Variants in TYMS observed in about 807,000 individuals in gnomAD.
The protein encoded by TYMS is thymidylate synthetase, also known as thymidylate synthase.
Under a neutral mutation model 39.3 loss-of-function variants are expected in TYMS, and 21 were observed. That is an observed-to-expected ratio of 0.54 (90% CI 0.38 to 0.77). The LOEUF is 0.77. TYMS is among the 30% of genes least tolerant of loss of function. The probability of loss-of-function intolerance (pLI) is 0.00; values close to 1 mark genes in which losing one functional copy is unlikely to be tolerated. For synonymous variants in TYMS, 171 were observed against 162.2 expected (o/e 1.05, Z -0.41); for missense variants, 273 against 406.7 (o/e 0.67, Z 2.83).
chr18:669,930 C>T (rs1420187955), intron 4 of TYMS, among the ~76,000 whole-genome samples: 1 of 151,904 alleles, frequency 6.6e-6, no homozygotes, highest in Non-Finnish European at 1.5e-5. Context: ...CCATTGCACT[C>T]CAGCCTGGGC....
chr18:669,249 A>G (rs1244553877), intron 4 of TYMS, 76 bp downstream of exon 4: 2 of 1,297,608 alleles, frequency 1.5e-6, no homozygotes, highest in African/African-American at 3.0e-5. Context: ...GTGCAGAGGC[A>G]CCTGAGGGAG....
At chr18:672,767 G>C (rs1251583262) in intron 6 of TYMS, 93 bp from the exon 7 acceptor site, 1 of 1,373,918 alleles carries the variant, frequency 7.3e-7, no homozygotes, top group Non-Finnish European at 9.8e-7. Context: ...GAACTTTGTT[G>C]ATCACATCCT....
chr18:662,761 A>G (rs8093444), intron 3 of TYMS, among the ~76,000 whole-genome samples: 80,865 of 148,304 alleles, frequency 0.55, 23,500 homozygotes, highest in African/African-American at 0.77. Flanking sequence ...GAGAATATGC[A>G]GTGTTTGGTT....
intron 3 of TYMS, among the ~76,000 whole-genome samples, chr18:666,521 G>C (rs1598467522): frequency 6.6e-6 from 1 of 152,168 alleles, no homozygotes. Flanking sequence ...AGGAAAAGCA[G>C]ATGCCACCTT....
chr18:658,559 C>G lies in TYMS; in HGVS notation c.205+612C>G, dbSNP rs1223625721. 1 of 278,400 alleles carries G rather than the reference C, an allele frequency of 3.6e-6. No individual in the cohort carries two copies. Among genetic ancestry groups the G allele is most frequent in the African/African-American group, 2.4e-5 (1 of 42,344 alleles). The allele number at this position is 278,400 out of a possible 1,614,324, so 17.2% of individuals were successfully genotyped here. A position where few individuals can be genotyped will look rare whatever the true frequency, so the allele number is the denominator to read the frequency against. On this transcript the variant is annotated intron_variant, in intron 1 of 6. Transcript: ENST00000323274. The surrounding 1 kb of genome is among the most constrained non-coding windows in gnomAD (Gnocchi z 4.5). ...GAGTATAAGTTCTTAGTCGTCCTTT[C>G]CTCTTTCCTTTCCGACAGGAGCACC...
intron 6 of TYMS, 110 bp from the exon 7 acceptor site, chr18:672,750 T>C: frequency 7.8e-7 from 1 of 1,289,194 alleles, no homozygotes; most frequent in Non-Finnish European, 1.1e-6. Flanking sequence ...CATACTCCTG[T>C]AAAATAGAAC....
At chr18:668,926 A>T in intron 3 of TYMS, 146 bp from the exon 4 acceptor site, 1 of 598,176 alleles carries the variant, frequency 1.7e-6, no homozygotes, top group Non-Finnish European at 2.9e-6. Context: ...GAGATCTGCA[A>T]ACTTTGCAGG....
chr18:658,760 AG>A lies in TYMS; in HGVS notation c.205+817del. 4.8e-6 allele frequency: 1 copy of A among 207,724 alleles called. No individual in the cohort carries two copies. The highest frequency in any genetic ancestry group is 9.7e-6 in the Non-Finnish European group (1 of 103,058). 12.9% of individuals were successfully genotyped at this position (207,724 alleles called of 1,614,324 possible). The stretch of plus-strand genomic sequence containing the variant: ...GAGGGGACTCGAAGGTGTGTGAGCC[AG>A]GGGCTGACCTTGACCGCTCAGATAA... On this transcript the variant is annotated intron_variant, in intron 1 of 6. Transcript: ENST00000323274. This position sits in a 1 kb window ranked among gnomAD's most constrained non-coding sequence, Gnocchi z 4.5.
chr18:671,214 C>A, intron 5 of TYMS, 166 bp from the exon 6 acceptor site: 1 of 638,802 alleles, frequency 1.6e-6, no homozygotes, highest in Non-Finnish European at 2.8e-6. Context: ...TCAATACCAG[C>A]CTGGGCAACA....
rs956046989 is a variant in TYMS at position 660,756 on chromosome 18, C to T, written c.279+1042C>T. ...GTTCCGTGTCCTGGTCTAGAACCAG[C>T]GATGTTCTTTCTGACCAGTGCTTTT... On this transcript the variant is annotated intron_variant, in intron 2 of 6. Coordinates refer to ENST00000323274, the MANE Select transcript of TYMS (RefSeq NM_001071.4). The surrounding 1 kb of genome is among the most constrained non-coding windows in gnomAD (Gnocchi z 4.6). 1.3e-5 allele frequency among the ~76,000 whole-genome samples: 2 copies of T among 152,144 alleles called. No individual in the cohort carries two copies. The highest frequency in any genetic ancestry group is 2.9e-5 in the Non-Finnish European group (2 of 68,028).
At chr18:662,389 T>C (rs2074765265) in intron 3 of TYMS, 69 bp downstream of exon 3, 1 of 1,434,432 alleles carries the variant, frequency 7.0e-7, no homozygotes, top group African/African-American at 1.4e-5. Flanking sequence ...TCCGTTGTTT[T>C]AGATAAGGTC....
At chr18:666,799 G>T (rs540739261) in intron 3 of TYMS, among the ~76,000 whole-genome samples, 1 of 152,378 alleles carries the variant, frequency 6.6e-6, no homozygotes, top group South Asian at 2.1e-4. Flanking sequence ...AAAGTGGAAT[G>T]CTAGTTTCCA....
rs767975182 is a variant in TYMS at position 662,223 on chromosome 18, C to T, written c.357C>T (p.Asp119=). Reference sequence around the variant, plus strand: ...CCAATGGATCCCGAGACTTTTTGGACAGCCTGGGATTCTCCACCAGAGAAG... The same window carrying T: ...CCAATGGATCCCGAGACTTTTTGGATAGCCTGGGATTCTCCACCAGAGAAG... ...WDANGSRDFL[D]SLGFSTREEG... is the part of the protein sequence containing the mutation. Residue 119 remains aspartate (D), a synonymous_variant, in exon 3 of 7, where the codon GAC becomes GAT. Transcript: ENST00000323274. 5.0e-6 allele frequency: 8 copies of T among 1,613,920 alleles called. No homozygotes were observed. In the East Asian group the frequency reaches 1.6e-4, roughly 31 times the overall value.
At position 658,172 on chromosome 18, in the gene TYMS, A is replaced by G. The variant is rs1218123230; in HGVS notation, c.205+225A>G. 2 of 1,567,422 alleles carry G rather than the reference A, an allele frequency of 1.3e-6. No individual in the cohort carries two copies. The highest frequency in any genetic ancestry group is 1.7e-6 in the Non-Finnish European group (2 of 1,157,278). On this transcript the variant is annotated intron_variant, in intron 1 of 6. Transcript: ENST00000323274. The surrounding 1 kb of genome is among the most constrained non-coding windows in gnomAD (Gnocchi z 4.5). ...CACACAGCAGCGACAGCCGGGAGGT[A>G]AGCCGCGTCCCAGCGGCTCCGCGGC...
In TYMS at chr18:666,911, ATGGT is replaced by A. The variant is rs1567989380; in HGVS notation, c.455-2160_455-2157del. 7.5e-4 allele frequency among the ~76,000 whole-genome samples: 49 copies of A among 65,394 alleles called. 10 individuals are homozygous for A. The highest frequency in any genetic ancestry group is 4.5e-3 in the East Asian group (7 of 1,554). 42.9% of individuals were successfully genotyped at this position (65,394 alleles called of 152,430 possible). On this transcript the variant is annotated intron_variant, in intron 3 of 6. Coordinates refer to ENST00000323274, the MANE Select transcript of TYMS (RefSeq NM_001071.4). ...TCGGGAGATGGTGATGGAGATGGTGATGGTGATGGAGATGGTGATGGTGATGGAG... is the reference window on the plus strand; with the variant it reads ...TCGGGAGATGGTGATGGAGATGGTGAGATGGAGATGGTGATGGTGATGGAG...
chr18:657,811 G>C lies in TYMS; in HGVS notation c.69G>C (p.Glu23Asp). 1.4e-5 allele frequency: 21 copies of C among 1,463,016 alleles called. No homozygotes were observed. Among genetic ancestry groups the C allele is most frequent in the Non-Finnish European group, 1.9e-5 (21 of 1,114,912 alleles). The allele number at this position is 1,463,016 out of a possible 1,614,324, so 90.6% of individuals were successfully genotyped here. A position where few individuals can be genotyped will look rare whatever the true frequency, so the allele number is the denominator to read the frequency against. Residue 23 changes from glutamate (E) to aspartate (D), a missense_variant, in exon 1 of 7, where the codon GAG becomes GAC. Transcript: ENST00000323274. ...CCGCCGCACAGGAGCGGGACGCCGA[G>C]CCGCGTCCGCCGCACGGGGAGCTGC... Reference protein sequence around the residue: ...LPPAAQERDAEPRPPHGELQY... With the variant: ...LPPAAQERDADPRPPHGELQY...
intron 4 of TYMS, 71 bp downstream of exon 4, chr18:669,244 G>GAGGCACCTGAGGGAGGC: frequency 7.6e-7 from 1 of 1,321,004 alleles, no homozygotes; most frequent in Non-Finnish European, 1.1e-6. Context: ...GTTTTGTGCA[G>GAGGCACCTGAGGGAGGC]AGGCACCTGA....
intron 3 of TYMS, among the ~76,000 whole-genome samples, chr18:667,209 TGATGGAGATGGTGATGGTGATGGA>T (rs1567990173): frequency 1.8e-4 from 10 of 56,158 alleles, no homozygotes; most frequent in Non-Finnish European, 2.3e-4. Context: ...ATGGTGATGG[TGATGGAGATGGTGATGGTGATGGA>T]GATGGAGATG....
chr18:661,751 CGAAGT>C (rs2074757492), intron 2 of TYMS, among the ~76,000 whole-genome samples: 1 of 152,110 alleles, frequency 6.6e-6, no homozygotes, highest in South Asian at 2.1e-4. Context: ...TTCGGGAGGC[CGAAGT>C]GGGCGGATCA....
Sources: gnomAD v4.1 joint callset for allele counts (sites outside exome capture counted in the v4.1 genomes callset) on GRCh38, gnomAD v4.1.1 for gene constraint, Gnocchi (gnomAD v3.1) non-coding constraint, MANE v1.5 for transcripts, NCBI Gene and HGNC (gene_info 2026-07-23, HGNC 2026-07-21) for gene names.